ADGRE1: variants seen among roughly 807,000 people sequenced by gnomAD.
The protein encoded by ADGRE1 is adhesion G protein-coupled receptor E1, also known as EGF-like module receptor 1.
ADGRE1 carries 82 observed loss-of-function variants against 102.7 expected under a neutral mutation model. The ratio of observed to expected loss-of-function variants is 0.80; its 90% CI spans 0.67 to 0.96. The LOEUF is 0.96. ADGRE1 is among the 40% of genes least tolerant of loss of function. The pLI, the probability that ADGRE1 is intolerant of heterozygous loss-of-function variation, is 0.00. For missense variants in ADGRE1, 1,032 were observed against 1,085.3 expected, an observed-to-expected ratio of 0.95 and a Z score of 0.69; for synonymous variants, 398 against 399.6, an observed-to-expected ratio of 1.00 and a Z score of 0.05.
chr19:6,908,875 C>A, intron 10 of ADGRE1, 103 bp downstream of exon 10: 1 of 1,058,392 alleles, frequency 9.4e-7, no homozygotes, highest in Non-Finnish European at 1.4e-6. Flanking sequence ...GGCTCACACC[C>A]ATAATCCCAG....
In ADGRE1 at chr19:6,896,557, C is replaced by T; in HGVS notation, c.238+16C>T. The T allele has an allele frequency of 6.2e-7, 1 of 1,609,194 alleles. No homozygotes were observed. The highest frequency in any genetic ancestry group is 8.5e-7 in the Non-Finnish European group (1 of 1,176,226). On this transcript the variant is annotated intron_variant, in intron 3 of 20. Coordinates refer to ENST00000312053, the MANE Select transcript of ADGRE1 (RefSeq NM_001974.5). ...CGATGCAAAGGTGAGTTCATGTCCC[C>T]TCAAACCATCCAGCATTTGGTAGGA... is the stretch of plus-strand genomic sequence containing the variant.
At chr19:6,899,149 T>C (rs1973680094) in intron 5 of ADGRE1, among the ~76,000 whole-genome samples, 1 of 152,104 alleles carries the variant, frequency 6.6e-6, no homozygotes, top group African/African-American at 2.4e-5. Context: ...AGTCAAACAA[T>C]GGTATCAGAA....
In ADGRE1 at chr19:6,935,044, G is replaced by A. The variant is rs1237202121; in HGVS notation, c.2347G>A (p.Val783Ile). Residue 783 changes from valine (V) to isoleucine (I), a missense_variant, in exon 18 of 21, where the codon GTT becomes ATT. Val to Ile is a conservative substitution (Grantham distance 29). Coordinates refer to ENST00000312053, the MANE Select transcript of ADGRE1 (RefSeq NM_001974.5). The part of the protein sequence containing the change: ...LWILRQRLSS[V>I]NAEVSTLKDT... ...GATCCTGAGGCAGAGGCTTTCCAGT[G>A]TTAATGCCGAAGTCTCAACGCTAAA... 1 of 1,601,438 alleles carries A rather than the reference G, an allele frequency of 6.2e-7. No homozygotes were observed. Among genetic ancestry groups the A allele is most frequent in the South Asian group, 1.1e-5 (1 of 89,298 alleles).
intron 20 of ADGRE1, 82 bp downstream of exon 20, chr19:6,937,730 G>A: frequency 3.8e-6 from 5 of 1,314,396 alleles, no homozygotes; most frequent in Non-Finnish European, 5.4e-6. Context: ...CCACGTGTTG[G>A]GTACTGAATG....
At chr19:6,937,108 G>A (rs1252879535) in intron 18 of ADGRE1, 135 bp from the exon 19 acceptor site, 1 of 942,336 alleles carries the variant, frequency 1.1e-6, no homozygotes, top group Non-Finnish European at 1.6e-6. Context: ...CCTAGGCTTG[G>A]AGACCCCACC....
rs146587800 is a variant in ADGRE1 at position 6,939,006 on chromosome 19, G to T, written c.2656-1018G>T. ...AGACAGGGTTTCATGATGTTGGCCA[G>T]GTTGGTCTCGAACTCCTGACCTCAG... On this transcript the variant is annotated intron_variant, in intron 20 of 20. Coordinates refer to ENST00000312053, the MANE Select transcript of ADGRE1 (RefSeq NM_001974.5). Among the ~76,000 whole-genome samples the T allele has an allele frequency of 3.9e-3, 600 of 151,994 alleles. 3 individuals carry two copies. Among genetic ancestry groups the T allele is most frequent in the African/African-American group, 0.014 (568 of 41,456 alleles).
chr19:6,904,696 C>T (rs549820887), intron 8 of ADGRE1, among the ~76,000 whole-genome samples: 25 of 152,076 alleles, frequency 1.6e-4, no homozygotes, highest in African/African-American at 5.1e-4. Context: ...TTAGTAGAGA[C>T]GGTGTTTCAC....
intron 11 of ADGRE1, among the ~76,000 whole-genome samples, chr19:6,914,469 A>G (rs1242013239): frequency 6.6e-6 from 1 of 152,328 alleles, no homozygotes; most frequent in East Asian, 1.9e-4. Flanking sequence ...ACTGATACAT[A>G]CTTGATAGAT....
At chr19:6,928,470 A>G (rs1599762581) in intron 17 of ADGRE1, 1 of 723,652 alleles carries the variant, frequency 1.4e-6, no homozygotes, top group Non-Finnish European at 2.1e-6. Flanking sequence ...TGCTAAAAAT[A>G]CAAAAAATTA....
chr19:6,913,064 C>T (rs943880582), intron 10 of ADGRE1, among the ~76,000 whole-genome samples: 1 of 152,106 alleles, frequency 6.6e-6, no homozygotes, highest in Non-Finnish European at 1.5e-5. Context: ...CCTCCTGAGT[C>T]GCTGGGACTA....
intron 1 of ADGRE1, among the ~76,000 whole-genome samples, chr19:6,890,090 T>G (rs1973305064): frequency 6.6e-6 from 1 of 152,108 alleles, no homozygotes; most frequent in South Asian, 2.1e-4. Context: ...TAAAAAATTT[T>G]TTTTTTGTAG....
In ADGRE1 at chr19:6,890,191, T is replaced by C. The variant is rs74460310; in HGVS notation, c.32-290T>C. Reference sequence around the variant, plus strand: ...TTGGCCTCCCGAAGGGCTGGGATTATAGGTGTGCACCACAGTGCTTAGCCT... The same window carrying C: ...TTGGCCTCCCGAAGGGCTGGGATTACAGGTGTGCACCACAGTGCTTAGCCT... On this transcript the variant is annotated intron_variant, in intron 1 of 20. Transcript: ENST00000312053. Among the ~76,000 whole-genome samples, 1,138 of 152,270 alleles carry C rather than the reference T, an allele frequency of 7.5e-3. 19 individuals carry two copies. Among genetic ancestry groups the C allele is most frequent in the African/African-American group, 0.024 (984 of 41,552 alleles).
At position 6,918,068 on chromosome 19, in the gene ADGRE1, G is replaced by A. The variant is rs146826303; in HGVS notation, c.1421-1480G>A. 2.0e-5 allele frequency among the ~76,000 whole-genome samples: 3 copies of A among 152,242 alleles called. No homozygotes were observed. In the East Asian group the frequency reaches 5.8e-4, roughly 29 times the overall value. On this transcript the variant is annotated intron_variant, in intron 12 of 20. Coordinates refer to ENST00000312053, the MANE Select transcript of ADGRE1 (RefSeq NM_001974.5). ...ATTAAGGAGGAGGAATCTGTTTTGC[G>A]GGGAGAAGAATTCAAGGATGACTCT...
intron 5 of ADGRE1, among the ~76,000 whole-genome samples, chr19:6,900,303 T>A (rs1450598329): frequency 7.7e-6 from 1 of 129,174 alleles, no homozygotes; most frequent in Non-Finnish European, 1.5e-5. Context: ...AGTGAGACCC[T>A]GTCTCTACAA....
chr19:6,921,605 T>C, intron 13 of ADGRE1, 108 bp from the exon 14 acceptor site: 2 of 1,283,810 alleles, frequency 1.6e-6, no homozygotes, highest in Non-Finnish European at 2.1e-6. Flanking sequence ...CCTCAGAACA[T>C]ACCCTGTGTA....
intron 1 of ADGRE1, 43 bp downstream of exon 1, chr19:6,887,682 G>A: frequency 6.3e-7 from 1 of 1,591,550 alleles, no homozygotes; most frequent in Non-Finnish European, 8.5e-7. Context: ...GGCCTGGATT[G>A]GAAATAGACT....
At chr19:6,912,281 T>A (rs1029196839) in intron 10 of ADGRE1, among the ~76,000 whole-genome samples, 8 of 152,080 alleles carry the variant, frequency 5.3e-5, no homozygotes, top group Non-Finnish European at 1.0e-4. Flanking sequence ...TATTGAGCAC[T>A]TACTATGAGA....
intron 12 of ADGRE1, among the ~76,000 whole-genome samples, chr19:6,918,410 C>T (rs1371983304): frequency 2.6e-5 from 4 of 151,814 alleles, no homozygotes; most frequent in Admixed American, 1.3e-4. Context: ...CATTGCACTC[C>T]AGCATGGGCA....
chr19:6,927,185 C>T (rs938390973), intron 16 of ADGRE1, among the ~76,000 whole-genome samples: 5 of 150,850 alleles, frequency 3.3e-5, no homozygotes, highest in African/African-American at 9.8e-5. Context: ...TCCTCCCTCC[C>T]ACTCTCCCTC....
Sources: gnomAD v4.1 joint callset for allele counts (sites outside exome capture counted in the v4.1 genomes callset) on GRCh38, gnomAD v4.1.1 for gene constraint, MANE v1.5 for transcripts, NCBI Gene and HGNC (gene_info 2026-07-23, HGNC 2026-07-21) for gene names.